NUP93: variants seen among roughly 807,000 people sequenced by gnomAD.
NUP93 encodes the protein nucleoporin 93.
A neutral mutation model predicts 107.8 loss-of-function variants in NUP93; 55 were observed. That is an observed-to-expected ratio of 0.51 (90% CI 0.41 to 0.64). NUP93 has a LOEUF of 0.64. Ranked by LOEUF, NUP93 falls within the 30% of genes least tolerant of loss-of-function variation. The pLI is 0.00. For synonymous variants in NUP93, 390 were observed against 397.5 expected (o/e 0.98, Z 0.22); for missense variants, 937 against 1,044.7 (o/e 0.90, Z 1.42).
At chr16:56,739,629 A>C (rs1363741841) in intron 1 of NUP93, among the ~76,000 whole-genome samples, 6 of 72,070 alleles carry the variant, frequency 8.3e-5, no homozygotes, top group African/African-American at 1.8e-4. Flanking sequence ...GGGGGCCGAC[A>C]TCCCCACCTC....
At chr16:56,825,482 G>A (rs1265672792) in intron 8 of NUP93, among the ~76,000 whole-genome samples, 2 of 152,050 alleles carry the variant, frequency 1.3e-5, no homozygotes, top group Non-Finnish European at 2.9e-5. Context: ...TGGGATTACA[G>A]GCGTAAGCCA....
intron 3 of NUP93, among the ~76,000 whole-genome samples, chr16:56,775,039 A>G (rs1373535993): frequency 2.6e-5 from 4 of 151,748 alleles, no homozygotes; most frequent in African/African-American, 9.7e-5. Context: ...AGCTGGGACT[A>G]CAGGCACATG....
chr16:56,792,738 T>C (rs921198529), intron 3 of NUP93, among the ~76,000 whole-genome samples: 1 of 152,258 alleles, frequency 6.6e-6, no homozygotes, highest in African/African-American at 2.4e-5. Context: ...ACTCTGAGCC[T>C]CAACTTTATT....
chr16:56,849,432 G>A lies in NUP93; in HGVS notation c.*4823G>A. ...TTGCCCTTGAGCTTCTATTTCTTGG[G>A]GATGGGGAGGGCAAAAAAGTTTGCC... On this transcript the variant is annotated 3_prime_UTR_variant, in exon 22 of 22. Coordinates refer to ENST00000308159, the MANE Select transcript of NUP93 (RefSeq NM_014669.5). The A allele has an allele frequency of 6.6e-6, 1 of 152,224 alleles. No individual in the cohort carries two copies. Among genetic ancestry groups the A allele is most frequent in the East Asian group, 1.9e-4 (1 of 5,196 alleles). The allele number at this position is 152,224 out of a possible 1,614,324, so 9.4% of individuals were successfully genotyped here. A position where few individuals can be genotyped will look rare whatever the true frequency, so the allele number is the denominator to read the frequency against.
intron 1 of NUP93, among the ~76,000 whole-genome samples, chr16:56,747,296 A>G (rs1409048441): frequency 6.6e-6 from 1 of 152,192 alleles, no homozygotes; most frequent in Non-Finnish European, 1.5e-5. Flanking sequence ...CATTGTGCCC[A>G]ATTTTCTTAC....
intron 3 of NUP93, among the ~76,000 whole-genome samples, chr16:56,776,780 G>C (rs990896160): frequency 6.6e-6 from 1 of 152,194 alleles, no homozygotes; most frequent in Admixed American, 6.5e-5. Flanking sequence ...AGCTCTCTCT[G>C]TAAGGAAACA....
intron 3 of NUP93, among the ~76,000 whole-genome samples, chr16:56,769,192 A>T (rs1051906640): frequency 6.6e-6 from 1 of 152,210 alleles, no homozygotes. Flanking sequence ...GTTTTTCAGG[A>T]TGTATTAGAA....
Position 56,837,725 on chromosome 16 carries a change from C to T in NUP93, c.2017C>T (p.Arg673Trp), listed in dbSNP as rs1166462755. The T allele has an allele frequency of 5.0e-6, 8 of 1,612,094 alleles. No homozygotes were observed. Among genetic ancestry groups the T allele is most frequent in the South Asian group, 3.3e-5 (3 of 90,976 alleles). ...GAACATGGCACTCTCCATTGCCGAA[C>T]GGTAAGCCAGGAGCTGGCTCCATGG... is the stretch of plus-strand genomic sequence containing the variant. ...LKNMALSIAE[R>W]YRAQGISANK... The change falls in exon 18 of 22, where the codon CGG becomes TGG. Residue 673 changes from arginine (R) to tryptophan (W), a missense_variant and splice_region_variant. Physicochemically the swap from Arg to Trp is moderately radical, Grantham distance 101 (BLOSUM62 -3). Transcript: ENST00000308159.
chr16:56,739,733 AC>A (rs1961683206), intron 1 of NUP93, among the ~76,000 whole-genome samples: 1 of 92,816 alleles, frequency 1.1e-5, no homozygotes, highest in Admixed American at 1.0e-4. Context: ...CGACCCCCCC[AC>A]CTCCCTCCCG....
chr16:56,800,144 C>T (rs989694561), intron 4 of NUP93, among the ~76,000 whole-genome samples: 2 of 152,184 alleles, frequency 1.3e-5, no homozygotes, highest in African/African-American at 4.8e-5. Flanking sequence ...GATCGTGCCA[C>T]TGCACTCCAG....
chr16:56,765,784 A>G (rs1962206240), intron 3 of NUP93, among the ~76,000 whole-genome samples: 1 of 152,200 alleles, frequency 6.6e-6, no homozygotes, highest in Non-Finnish European at 1.5e-5. Flanking sequence ...AAAAAAATAT[A>G]ATGTCTTCAC....
intron 1 of NUP93, among the ~76,000 whole-genome samples, chr16:56,744,121 T>C (rs1961782688): frequency 6.6e-6 from 1 of 152,232 alleles, no homozygotes; most frequent in African/African-American, 2.4e-5. Context: ...TTAGTGTTGC[T>C]TCTTCCTGTG....
intron 2 of NUP93, among the ~76,000 whole-genome samples, chr16:56,756,257 A>G (rs777635926): frequency 2.3e-4 from 32 of 139,554 alleles, no homozygotes; most frequent in Non-Finnish European, 3.8e-4. Flanking sequence ...TAAGGCCTGC[A>G]TGCGTTAGGT....
rs1187551985 is a variant in NUP93 at position 56,808,246 on chromosome 16, CTA to C, written c.489+2619_489+2620del. 1.2e-3 allele frequency among the ~76,000 whole-genome samples: 50 copies of C among 41,172 alleles called. 7 individuals carry two copies. The highest frequency in any genetic ancestry group is 1.8e-3 in the African/African-American group (17 of 9,526). 27.0% of individuals were successfully genotyped at this position (41,172 alleles called of 152,430 possible). A position where few individuals can be genotyped will look rare whatever the true frequency, so the allele number is the denominator to read the frequency against. ...CTATATAAAATATATAGTTATGTAA[CTA>C]TATAAAATATATAGTTATGTAACTA... On this transcript the variant is annotated intron_variant, in intron 5 of 21. Transcript: ENST00000308159.
chr16:56,828,802 C>T (rs2144625096), intron 8 of NUP93, among the ~76,000 whole-genome samples, 175 bp from the exon 9 acceptor site: 1 of 152,292 alleles, frequency 6.6e-6, no homozygotes, highest in Middle Eastern at 3.4e-3. Flanking sequence ...ATCCACAGCC[C>T]ACTGAGTAAT....
At chr16:56,826,943 G>A (rs1963674572) in intron 8 of NUP93, among the ~76,000 whole-genome samples, 1 of 149,822 alleles carries the variant, frequency 6.7e-6, no homozygotes, top group Admixed American at 6.7e-5. Flanking sequence ...CTACTCAGGA[G>A]GCTGAGTCAG....
At chr16:56,760,377 A>C (rs1200505573) in intron 3 of NUP93, among the ~76,000 whole-genome samples, 1 of 152,178 alleles carries the variant, frequency 6.6e-6, no homozygotes, top group African/African-American at 2.4e-5. Context: ...CCATCCTTGC[A>C]TTGCTATAAA....
chr16:56,838,991 C>T lies in NUP93; in HGVS notation c.2058C>T (p.Asp686=), dbSNP rs1963967149. The change falls in exon 19 of 22, where the codon GAC becomes GAT. Residue 686 remains aspartate (D), a synonymous_variant. Coordinates refer to ENST00000308159, the MANE Select transcript of NUP93 (RefSeq NM_014669.5). The part of the protein sequence containing the change: ...AQGISANKFV[D]STFYLLLDLI... Reference sequence around the variant, plus strand: ...GAATAAGCGCAAATAAATTTGTGGACTCCACGTTCTATCTTCTTTTGGACT... The same window carrying T: ...GAATAAGCGCAAATAAATTTGTGGATTCCACGTTCTATCTTCTTTTGGACT... The T allele has an allele frequency of 2.5e-6, 4 of 1,614,130 alleles. No homozygotes were observed. Among genetic ancestry groups the T allele is most frequent in the Non-Finnish European group, 3.4e-6 (4 of 1,179,998 alleles).
chr16:56,740,148 A>G (rs1597100362), intron 1 of NUP93, among the ~76,000 whole-genome samples: 4 of 140,982 alleles, frequency 2.8e-5, no homozygotes, highest in African/African-American at 5.4e-5. Flanking sequence ...TCCCTCCCGG[A>G]CGGGGTGGCT....
Sources: gnomAD v4.1 joint callset for allele counts (sites outside exome capture counted in the v4.1 genomes callset) on GRCh38, gnomAD v4.1.1 for gene constraint, MANE v1.5 for transcripts, NCBI Gene and HGNC (gene_info 2026-07-23, HGNC 2026-07-21) for gene names.